Variants in PARD3B observed in about 807,000 individuals in gnomAD.
PARD3B encodes the protein par-3 family cell polarity regulator beta.
PARD3B carries 103 observed loss-of-function variants against 130.2 expected under a neutral mutation model. The ratio of observed to expected loss-of-function variants is 0.79; its 90% CI spans 0.67 to 0.93. PARD3B has a LOEUF of 0.93. Ranked by LOEUF, PARD3B falls within the 40% of genes least tolerant of loss-of-function variation. The probability of loss-of-function intolerance (pLI) is 0.00; values close to 1 mark genes in which losing one functional copy is unlikely to be tolerated. For missense variants in PARD3B, 1,609 were observed against 1,499.2 expected (o/e 1.07, Z -1.21); for synonymous variants, 583 against 553.2 (o/e 1.05, Z -0.76).
intron 4 of PARD3B, among the ~76,000 whole-genome samples, chr2:205,075,124 A>G (rs1700960838): frequency 6.6e-6 from 1 of 152,186 alleles, no homozygotes; most frequent in African/African-American, 2.4e-5. Context: ...AAACATTACT[A>G]CTTACAATTT....
rs2052981928 is a variant in PARD3B, at chr2:205,558,276, C to G, written c.3260+4873C>G. Among the ~76,000 whole-genome samples the G allele has an allele frequency of 6.6e-6, 1 of 152,052 alleles. No individual in the cohort carries two copies. The highest frequency in any genetic ancestry group is 1.5e-5 in the Non-Finnish European group (1 of 68,018). ...GAGGCCATACCCAGGGCGAGTTAACCAGGAAGGTGGAGCATGATGCTCTAG... is the reference window on the plus strand; with the variant it reads ...GAGGCCATACCCAGGGCGAGTTAACGAGGAAGGTGGAGCATGATGCTCTAG... On this transcript the variant is annotated intron_variant, in intron 22 of 22. Coordinates refer to ENST00000406610, the MANE Select transcript of PARD3B (RefSeq NM_001302769.2). The surrounding 1 kb of genome is among the most constrained non-coding windows in gnomAD (Gnocchi z 4.8).
At chr2:204,592,865 T>C (rs1485113585) in intron 1 of PARD3B, among the ~76,000 whole-genome samples, 2 of 152,258 alleles carry the variant, frequency 1.3e-5, no homozygotes, top group African/African-American at 4.8e-5. Flanking sequence ...TTCATATAAA[T>C]GGAATTGTAC....
rs34964209 is a variant in PARD3B, at chr2:205,282,507, GTA to G, written c.2186-18011_2186-18010del. 1.6e-3 allele frequency among the ~76,000 whole-genome samples: 226 copies of G among 145,008 alleles called. 2 individuals carry two copies. The highest frequency in any genetic ancestry group is 5.2e-3 in the African/African-American group (211 of 40,494). ...TATGTGTGTATATATATATTTATGTGTATATATATATATGTACACACACACAT... is the reference window on the plus strand; with the variant it reads ...TATGTGTGTATATATATATTTATGTGTATATATATATGTACACACACACAT... On this transcript the variant is annotated intron_variant, in intron 16 of 22. Transcript: ENST00000406610.
In PARD3B at chr2:205,351,855, G is replaced by C. The variant is rs979187; in HGVS notation, c.2631-49158G>C. On this transcript the variant is annotated intron_variant, in intron 18 of 22. Transcript: ENST00000406610. The surrounding 1 kb of genome is among the most constrained non-coding windows in gnomAD (Gnocchi z 4.2). ...CCAGAGACTTTGCTTAAAGAGGTAC[G>C]TGACAGCTTCTGAGGGATCTGTTTG... Among the ~76,000 whole-genome samples the C allele has an allele frequency of 0.59, 90,211 of 151,634 alleles. 30,511 individuals carry two copies. Among genetic ancestry groups the C allele is most frequent in the South Asian group, 0.77 (3,686 of 4,798 alleles).
At chr2:204,589,409 G>T (rs951517779) in intron 1 of PARD3B, among the ~76,000 whole-genome samples, 1 of 152,196 alleles carries the variant, frequency 6.6e-6, no homozygotes, top group Non-Finnish European at 1.5e-5. Flanking sequence ...TCACTGTGCC[G>T]ATTTTGAACT....
rs144124842 is a variant in PARD3B at position 205,542,753 on chromosome 2, C to T, written c.3181-10571C>T. ...CTGAGCTTATAGGAATCTTTCCTCA[C>T]GCTAAGCAGTTACATAATTTAGATT... On this transcript the variant is annotated intron_variant, in intron 21 of 22. Transcript: ENST00000406610. Among the ~76,000 whole-genome samples, 272 of 152,258 alleles carry T rather than the reference C, an allele frequency of 1.8e-3. 1 individual carries two copies. The highest frequency in any genetic ancestry group is 5.9e-3 in the African/African-American group (244 of 41,552).
intron 19 of PARD3B, among the ~76,000 whole-genome samples, chr2:205,416,095 G>C (rs1464427258): frequency 6.6e-6 from 1 of 152,040 alleles, no homozygotes; most frequent in Non-Finnish European, 1.5e-5. Flanking sequence ...TAGCTGAGGA[G>C]TAGGGGGCTT....
chr2:204,979,549 C>A (rs2125204003), intron 3 of PARD3B, among the ~76,000 whole-genome samples: 1 of 152,206 alleles, frequency 6.6e-6, no homozygotes, highest in African/African-American at 2.4e-5. Context: ...ACTCACCAGA[C>A]AATATATGGA....
rs1335776979 is a variant in PARD3B, at chr2:204,799,780, A to G, written c.222+113498A>G. ...CCAAGACCACCAAGATGGTACCTGT[A>G]CAAGTCTGCAAAAGCCATAGTATTA... On this transcript the variant is annotated intron_variant, in intron 2 of 22. Transcript: ENST00000406610. The surrounding 1 kb of genome is among the most constrained non-coding windows in gnomAD (Gnocchi z 4.1). 1.3e-5 allele frequency among the ~76,000 whole-genome samples: 2 copies of G among 152,198 alleles called. No homozygotes were observed. The highest frequency in any genetic ancestry group is 2.9e-5 in the Non-Finnish European group (2 of 68,036).
chr2:204,696,312 GTATGGGCAAA>G (rs1036993646), intron 2 of PARD3B, among the ~76,000 whole-genome samples: 23 of 151,992 alleles, frequency 1.5e-4, no homozygotes, highest in Non-Finnish European at 2.9e-5. Context: ...ACACTGCTCA[GTATGGGCAAA>G]TAACCACTGA....
chr2:205,217,744 ATG>A (rs2037993345), intron 15 of PARD3B, among the ~76,000 whole-genome samples: 1 of 149,816 alleles, frequency 6.7e-6, no homozygotes, highest in Non-Finnish European at 1.5e-5. Flanking sequence ...ACATATATGT[ATG>A]TGTGTATATA....
chr2:205,158,923 A>G lies in PARD3B; in HGVS notation c.1620+16A>G. On this transcript the variant is annotated intron_variant, in intron 11 of 22. Coordinates refer to ENST00000406610, the MANE Select transcript of PARD3B (RefSeq NM_001302769.2). The surrounding 1 kb of genome is among the most constrained non-coding windows in gnomAD (Gnocchi z 5.4). The stretch of plus-strand genomic sequence containing the variant: ...TGCTTTTAAGGTGGGTAGGAATGAC[A>G]TTTGTACATCCTTTGAGAAGGCACT... 9 of 1,612,192 alleles carry G rather than the reference A, an allele frequency of 5.6e-6. No homozygotes were observed. The East Asian group carries it at 6.7e-5, about 12-fold the overall frequency.
chr2:205,496,917 T>C (rs1009755357), intron 20 of PARD3B, among the ~76,000 whole-genome samples: 2 of 151,938 alleles, frequency 1.3e-5, no homozygotes, highest in African/African-American at 4.8e-5. Context: ...TTGCACCATG[T>C]TGATTGAACT....
intron 15 of PARD3B, among the ~76,000 whole-genome samples, chr2:205,233,975 T>C (rs1042801745): frequency 1.3e-5 from 2 of 152,040 alleles, no homozygotes; most frequent in Non-Finnish European, 2.9e-5. Flanking sequence ...TTGTAAGATA[T>C]ACATAATAAC....
At chr2:205,081,696 A>G (rs901477942) in intron 4 of PARD3B, among the ~76,000 whole-genome samples, 7 of 151,962 alleles carry the variant, frequency 4.6e-5, no homozygotes, top group Non-Finnish European at 7.4e-5. Context: ...TGAATTTTTG[A>G]ATGTTAAATC....
intron 15 of PARD3B, among the ~76,000 whole-genome samples, chr2:205,218,619 C>T (rs1422090143): frequency 6.6e-6 from 1 of 151,834 alleles, no homozygotes; most frequent in Non-Finnish European, 1.5e-5. Context: ...CAAATTTTTA[C>T]AGCAAAAATT....
intron 11 of PARD3B, among the ~76,000 whole-genome samples, chr2:205,162,987 C>G (rs1207471632): frequency 6.6e-6 from 1 of 152,158 alleles, no homozygotes; most frequent in African/African-American, 2.4e-5. Context: ...ATGGACTACA[C>G]TTCCTTAAGT....
At chr2:204,920,678 A>T (rs145424017) in intron 2 of PARD3B, among the ~76,000 whole-genome samples, 1 of 152,120 alleles carries the variant, frequency 6.6e-6, no homozygotes. Flanking sequence ...TATTTACTCA[A>T]CCAGATTGAC....
At chr2:204,845,194 A>G (rs907675959) in intron 2 of PARD3B, among the ~76,000 whole-genome samples, 1 of 152,180 alleles carries the variant, frequency 6.6e-6, no homozygotes, top group Non-Finnish European at 1.5e-5. Flanking sequence ...GCTGGAAGCT[A>G]TAAAAAGTGT....
Sources: gnomAD v4.1 joint callset for allele counts (sites outside exome capture counted in the v4.1 genomes callset) on GRCh38, gnomAD v4.1.1 for gene constraint, Gnocchi (gnomAD v3.1) non-coding constraint, MANE v1.5 for transcripts, NCBI Gene and HGNC (gene_info 2026-07-23, HGNC 2026-07-21) for gene names.